TLL2: variants seen among roughly 807,000 people sequenced by gnomAD.
The protein encoded by TLL2 is tolloid like 2.
TLL2 carries 106 observed loss-of-function variants against 123.0 expected under a neutral mutation model. That is an observed-to-expected ratio of 0.86 (90% CI 0.74 to 1.01). The LOEUF is 1.01. Among genes scored for constraint, TLL2 ranks in the 50% least tolerant of loss-of-function variants. The pLI is 0.00. For synonymous variants in TLL2, 494 were observed against 516.8 expected (o/e 0.96, Z 0.60); for missense variants, 1,332 against 1,336.7 (o/e 1.00, Z 0.06).
At chr10:96,377,864 T>A (rs1447811492) in intron 17 of TLL2, among the ~76,000 whole-genome samples, 1 of 152,230 alleles carries the variant, frequency 6.6e-6, no homozygotes, top group Non-Finnish European at 1.5e-5. Flanking sequence ...GATGTTGCTC[T>A]GACACCCCCT....
intron 2 of TLL2, among the ~76,000 whole-genome samples, chr10:96,476,709 T>C (rs1039473940): frequency 6.6e-6 from 1 of 152,144 alleles, no homozygotes; most frequent in Non-Finnish European, 1.5e-5. Flanking sequence ...AGGTAAATCA[T>C]GGCAGAGTTG....
In TLL2 at chr10:96,395,883, C is replaced by T; in HGVS notation, c.1522G>A (p.Ala508Thr). The T allele has an allele frequency of 6.2e-7, 1 of 1,614,176 alleles. No homozygotes were observed. Among genetic ancestry groups the T allele is most frequent in the Non-Finnish European group, 8.5e-7 (1 of 1,180,030 alleles). Residue 508 changes from alanine to threonine, a missense_variant, in exon 12 of 21, where the codon GCT becomes ACT. Coordinates refer to ENST00000357947, the MANE Select transcript of TLL2 (RefSeq NM_012465.4). ...GTCTGAGCAGCACTCACCTCAAAAGCTTGGAAGGTAAGTCCCACGTGAAAC... is the reference window on the plus strand; with the variant it reads ...GTCTGAGCAGCACTCACCTCAAAAGTTTGGAAGGTAAGTCCCACGTGAAAC... ...EGFHVGLTFQ[A>T]FEIERHDSCA...
intron 4 of TLL2, 67 bp from the exon 5 acceptor site, chr10:96,428,815 TTC>T: frequency 8.9e-7 from 1 of 1,118,166 alleles, no homozygotes; most frequent in Non-Finnish European, 1.3e-6. Context: ...GCTTTTTTTT[TTC>T]TTTCAAGACG....
Position 96,468,397 on chromosome 10 carries a change from CAA to C in TLL2, c.286+11950_286+11951del, listed in dbSNP as rs1213573718. ...GAGGGGCAGGTGCAAGAAGAGGAGA[CAA>C]AACAAAAATGAGAGGTACTTCGTGG... is the stretch of plus-strand genomic sequence containing the variant. On this transcript the variant is annotated intron_variant, in intron 2 of 20. Transcript: ENST00000357947. Among the ~76,000 whole-genome samples, 3 of 152,052 alleles carry C rather than the reference CAA, an allele frequency of 2.0e-5. No homozygotes were observed. The East Asian group carries it at 5.8e-4, about 29-fold the overall frequency.
chr10:96,370,011 C>T lies in TLL2; in HGVS notation c.2913+54G>A. The stretch of plus-strand genomic sequence containing the variant: ...AAGCCGGGCGTGTCTGACTCCACAA[C>T]TCCTGCTGTGAATCATCACACTCTG... On this transcript the variant is annotated intron_variant, in intron 20 of 20. Coordinates refer to ENST00000357947, the MANE Select transcript of TLL2 (RefSeq NM_012465.4). 1.3e-6 allele frequency: 2 copies of T among 1,501,950 alleles called. 1 individual carries two copies. Among genetic ancestry groups the T allele is most frequent in the South Asian group, 2.7e-5 (2 of 75,178 alleles). 93.0% of individuals were successfully genotyped at this position (1,501,950 alleles called of 1,614,324 possible).
chr10:96,367,930 C>T lies in TLL2; in HGVS notation c.*158G>A. On this transcript the variant is annotated 3_prime_UTR_variant, in exon 21 of 21. Transcript: ENST00000357947. ...CACCTTGTTGGCCAAACTTACAAGA[C>T]TTTCATTCAAATATATACCTCTAAG... 2.2e-6 allele frequency: 2 copies of T among 901,740 alleles called. No individual in the cohort carries two copies. Among genetic ancestry groups the T allele is most frequent in the Non-Finnish European group, 3.2e-6 (2 of 622,324 alleles). 55.9% of individuals were successfully genotyped at this position (901,740 alleles called of 1,614,324 possible). A position where few individuals can be genotyped will look rare whatever the true frequency, so the allele number is the denominator to read the frequency against.
At chr10:96,405,199 C>T (rs369316908) in intron 10 of TLL2, 33 bp downstream of exon 10, 13 of 1,592,652 alleles carry the variant, frequency 8.2e-6, no homozygotes, top group African/African-American at 1.3e-5. Flanking sequence ...CATCCCATCA[C>T]TCCTCTCTTA....
At chr10:96,476,460 C>T in intron 2 of TLL2, among the ~76,000 whole-genome samples, 1 of 151,226 alleles carries the variant, frequency 6.6e-6, no homozygotes, top group East Asian at 1.9e-4. Context: ...CAGGGTTTCA[C>T]CATGTTGGCC....
At chr10:96,392,895 G>A (rs1241181841) in intron 13 of TLL2, among the ~76,000 whole-genome samples, 2 of 152,156 alleles carry the variant, frequency 1.3e-5, no homozygotes, top group African/African-American at 4.8e-5. Context: ...ATCTGGGTGG[G>A]CTCAATGTCA....
chr10:96,419,826 T>A (rs868165818), intron 7 of TLL2, among the ~76,000 whole-genome samples: 1 of 152,176 alleles, frequency 6.6e-6, no homozygotes, highest in Non-Finnish European at 1.5e-5. Context: ...AAGAGCCATA[T>A]GTTTTCTGAG....
chr10:96,387,381 A>G (rs1044727123), intron 13 of TLL2, among the ~76,000 whole-genome samples: 6 of 152,228 alleles, frequency 3.9e-5, no homozygotes, highest in Non-Finnish European at 5.9e-5. Context: ...TGAGACTTCA[A>G]AAAATCTCAA....
intron 8 of TLL2, among the ~76,000 whole-genome samples, chr10:96,411,294 A>AAAAG (rs1846503704): frequency 8.1e-6 from 1 of 122,808 alleles, no homozygotes; most frequent in African/African-American, 2.9e-5. Flanking sequence ...AAAAAAAAAA[A>AAAAG]GTGGAAGTAG....
intron 3 of TLL2, among the ~76,000 whole-genome samples, chr10:96,433,901 G>A (rs571453744): frequency 6.6e-6 from 1 of 152,090 alleles, no homozygotes; most frequent in East Asian, 1.9e-4. Context: ...TCAGCCTCCC[G>A]AGTAGTTGGT....
At chr10:96,377,048 C>T (rs916925236) in intron 17 of TLL2, among the ~76,000 whole-genome samples, 4 of 152,224 alleles carry the variant, frequency 2.6e-5, no homozygotes, top group Admixed American at 2.6e-4. Flanking sequence ...GGCTATCTTT[C>T]TATTCCTATC....
chr10:96,446,441 A>G (rs1846897787), intron 2 of TLL2, among the ~76,000 whole-genome samples: 1 of 152,184 alleles, frequency 6.6e-6, no homozygotes, highest in Non-Finnish European at 1.5e-5. Flanking sequence ...AAGAGCACCC[A>G]GAATCAAATT....
intron 1 of TLL2, among the ~76,000 whole-genome samples, chr10:96,494,430 C>A (rs1233995815): frequency 6.6e-6 from 1 of 152,376 alleles, no homozygotes; most frequent in Admixed American, 6.5e-5. Context: ...TGGCCATATG[C>A]CCTGCCCTGC....
intron 7 of TLL2, among the ~76,000 whole-genome samples, chr10:96,414,181 T>C (rs1349467159): frequency 6.6e-6 from 1 of 152,226 alleles, no homozygotes; most frequent in Non-Finnish European, 1.5e-5. Flanking sequence ...CCTCCTCTTC[T>C]GCTTCCAGAC....
intron 14 of TLL2, 45 bp from the exon 15 acceptor site, chr10:96,386,260 A>G (rs1011565246): frequency 1.0e-5 from 15 of 1,489,388 alleles, no homozygotes; most frequent in African/African-American, 1.4e-5. Flanking sequence ...CTTTGGCTCC[A>G]GGTGACTGTG....
chr10:96,501,084 T>C (rs116953119), intron 1 of TLL2, among the ~76,000 whole-genome samples: 276 of 152,302 alleles, frequency 1.8e-3, no homozygotes, highest in Non-Finnish European at 3.5e-3. Flanking sequence ...GGGAATATCA[T>C]ACAACAGAAT....
Sources: allele counts gnomAD v4.1 joint callset (sites outside exome capture counted in the v4.1 genomes callset), GRCh38; gene constraint gnomAD v4.1.1; transcripts MANE v1.5; gene names NCBI Gene and HGNC (gene_info 2026-07-23, HGNC 2026-07-21).